EYS: variants seen among roughly 807,000 people sequenced by gnomAD.
The protein encoded by EYS is protein eyes shut homolog.
EYS carries 250 observed loss-of-function variants against 282.1 expected under a neutral mutation model. The observed-to-expected ratio is 0.89, with a 90% CI of 0.80 to 0.98. The LOEUF (loss-of-function observed/expected upper bound fraction) is 0.98. Ranked by LOEUF, EYS falls within the 50% of genes least tolerant of loss-of-function variation. EYS has a pLI of 0.00. For missense variants in EYS, 4,016 were observed against 3,709.0 expected (o/e 1.08, Z -2.15); for synonymous variants, 1,355 against 1,282.9 (o/e 1.06, Z -1.20).
intron 12 of EYS, among the ~76,000 whole-genome samples, chr6:65,192,487 C>G (rs980307597): frequency 1.3e-5 from 2 of 151,670 alleles, no homozygotes; most frequent in African/African-American, 4.8e-5. Flanking sequence ...ACAAAAAAGG[C>G]TAAGTTCATA....
chr6:64,040,118 T>C (rs1770317070), intron 33 of EYS, among the ~76,000 whole-genome samples: 1 of 152,180 alleles, frequency 6.6e-6, no homozygotes, highest in Admixed American at 6.5e-5. Context: ...CGTTTTCAGT[T>C]CTTTTGTAGA....
At chr6:63,874,316 A>G (rs1180893505) in intron 35 of EYS, among the ~76,000 whole-genome samples, 1 of 152,016 alleles carries the variant, frequency 6.6e-6, no homozygotes, top group African/African-American at 2.4e-5. Flanking sequence ...GATGCGTGCT[A>G]TTATTTCTGA....
At chr6:64,472,728 CT>C in intron 26 of EYS, among the ~76,000 whole-genome samples, 1 of 152,214 alleles carries the variant, frequency 6.6e-6, no homozygotes, top group East Asian at 1.9e-4. Context: ...AATTTACACC[CT>C]GACACTTATT....
At chr6:65,050,476 A>G (rs2150154152) in intron 13 of EYS, among the ~76,000 whole-genome samples, 1 of 151,640 alleles carries the variant, frequency 6.6e-6, no homozygotes, top group Non-Finnish European at 1.5e-5. Context: ...TTATTTGACC[A>G]CTCCTCCAAA....
intron 31 of EYS, among the ~76,000 whole-genome samples, chr6:64,203,587 T>C (rs1014347363): frequency 6.6e-6 from 1 of 152,208 alleles, no homozygotes; most frequent in Non-Finnish European, 1.5e-5. Flanking sequence ...CTTCTGCCTC[T>C]GACCACGTTT....
intron 24 of EYS, among the ~76,000 whole-genome samples, chr6:64,612,982 G>T (rs1767159088): frequency 6.6e-6 from 1 of 152,082 alleles, no homozygotes; most frequent in Non-Finnish European, 1.5e-5. Context: ...GCTACAAATT[G>T]TTAGGTAAAA....
At chr6:65,106,607 G>A (rs1775046048) in intron 12 of EYS, among the ~76,000 whole-genome samples, 1 of 152,020 alleles carries the variant, frequency 6.6e-6, no homozygotes, top group South Asian at 2.1e-4. Context: ...CTGATGCATC[G>A]ATCCTAGTAT....
At chr6:63,972,331 G>T (rs1377615632) in intron 35 of EYS, among the ~76,000 whole-genome samples, 1 of 152,088 alleles carries the variant, frequency 6.6e-6, no homozygotes, top group Non-Finnish European at 1.5e-5. Context: ...GAAAATTCCA[G>T]TCTAGTTTAA....
chr6:64,019,852 A>ATATATATATATATACTTACATATATAAG (rs1562154612), intron 33 of EYS, among the ~76,000 whole-genome samples: 1 of 46,828 alleles, frequency 2.1e-5, no homozygotes, highest in Admixed American at 1.5e-4. Flanking sequence ...ATATATAAGT[A>ATATATATATATATACTTACATATATAAG]TATATATATA....
At chr6:65,252,753 A>G (rs1419894369) in intron 12 of EYS, among the ~76,000 whole-genome samples, 1 of 152,004 alleles carries the variant, frequency 6.6e-6, no homozygotes, top group Non-Finnish European at 1.5e-5. Context: ...GTCTCAGCAA[A>G]TAGATAAAAT....
chr6:64,439,031 G>A (rs2150466180), intron 27 of EYS, 131 bp downstream of exon 27: 1 of 428,280 alleles, frequency 2.3e-6, no homozygotes. Context: ...TAAAAGTAGA[G>A]GAAGAGACAT....
Position 64,287,984 on chromosome 6 carries a change from T to A in EYS, c.6191+18986A>T, listed in dbSNP as rs1046255617. On this transcript the variant is annotated intron_variant, in intron 30 of 42. Coordinates refer to ENST00000503581, the MANE Select transcript of EYS (RefSeq NM_001142800.2). ...GTGTTCCTAAGTGAGAGAGATGAAT[T>A]ACAAAACACTACAAGTAAATGAAAC... is the stretch of plus-strand genomic sequence containing the variant. Among the ~76,000 whole-genome samples the A allele has an allele frequency of 1.2e-4, 19 of 152,246 alleles. No individual in the cohort carries two copies. In the East Asian group the frequency reaches 3.7e-3, roughly 29 times the overall value.
At chr6:64,187,089 T>A (rs1764967525) in intron 31 of EYS, among the ~76,000 whole-genome samples, 1 of 152,138 alleles carries the variant, frequency 6.6e-6, no homozygotes, top group African/African-American at 2.4e-5. Context: ...ACCAACTGAC[T>A]AAACTCTGTC....
intron 31 of EYS, among the ~76,000 whole-genome samples, chr6:64,123,657 T>G (rs1344840924): frequency 6.6e-6 from 1 of 152,156 alleles, no homozygotes; most frequent in African/African-American, 2.4e-5. Flanking sequence ...AAAAATTGGG[T>G]CATAAATTCT....
chr6:64,664,454 C>A (rs1349950945), intron 22 of EYS, among the ~76,000 whole-genome samples: 2 of 152,172 alleles, frequency 1.3e-5, no homozygotes, highest in Non-Finnish European at 2.9e-5. Context: ...CCTAGGAAAT[C>A]CAGCTAGTCC....
chr6:64,657,217 C>T (rs1256490627), intron 22 of EYS, among the ~76,000 whole-genome samples: 2 of 152,088 alleles, frequency 1.3e-5, no homozygotes, highest in East Asian at 1.9e-4. Flanking sequence ...GTAGATCTTC[C>T]TCCATCCCTT....
At chr6:65,378,471 T>C (rs1188460697) in intron 8 of EYS, among the ~76,000 whole-genome samples, 1 of 152,114 alleles carries the variant, frequency 6.6e-6, no homozygotes, top group Non-Finnish European at 1.5e-5. Context: ...TAGAAGACAG[T>C]GTGGCGATTC....
At chr6:65,180,527 C>A (rs574007220) in intron 12 of EYS, among the ~76,000 whole-genome samples, 8 of 152,172 alleles carry the variant, frequency 5.3e-5, no homozygotes, top group African/African-American at 1.9e-4. Context: ...TCAAGGAGAA[C>A]TACAAACCAC....
chr6:64,872,993 A>G (rs1766640180), intron 19 of EYS, among the ~76,000 whole-genome samples: 1 of 152,136 alleles, frequency 6.6e-6, no homozygotes, highest in Non-Finnish European at 1.5e-5. Context: ...GAAATGCTAA[A>G]GAGACTAAAA....
Sources: gnomAD v4.1 joint callset for allele counts (sites outside exome capture counted in the v4.1 genomes callset) on GRCh38, gnomAD v4.1.1 for gene constraint, MANE v1.5 for transcripts, NCBI Gene and HGNC (gene_info 2026-07-23, HGNC 2026-07-21) for gene names.